The following CTNNA2 variants were observed in gnomAD, a reference collection of about 807,000 sequenced individuals.
CTNNA2 encodes the protein catenin alpha 2.
Under a neutral mutation model 101.0 loss-of-function variants are expected in CTNNA2, and 42 were observed. The observed-to-expected ratio is 0.42, with a 90% confidence interval of 0.32 to 0.54. The LOEUF is 0.54. Among genes scored for constraint, CTNNA2 ranks in the 20% least tolerant of loss-of-function variants. The probability of loss-of-function intolerance (pLI) is 0.14; values close to 1 mark genes in which losing one functional copy is unlikely to be tolerated. For synonymous variants in CTNNA2, 450 were observed against 456.4 expected, an observed-to-expected ratio of 0.99 and a Z score of 0.18; for missense variants, 871 against 1,223.1, an observed-to-expected ratio of 0.71 and a Z score of 4.29.
At chr2:79,473,014 C>G (rs1186704607) in intron 4 of CTNNA2, among the ~76,000 whole-genome samples, 1 of 152,166 alleles carries the variant, frequency 6.6e-6, no homozygotes, top group Non-Finnish European at 1.5e-5. Context: ...CCTCTAGCTT[C>G]CAATAATAAT....
chr2:79,501,222 A>G (rs76748575), intron 4 of CTNNA2, among the ~76,000 whole-genome samples: 1,532 of 152,346 alleles, frequency 0.01, 25 homozygotes, highest in East Asian at 0.048. Context: ...ATGACATGCC[A>G]TGACATCACA....
At chr2:80,558,113 T>G (rs1334845385) in intron 12 of CTNNA2, among the ~76,000 whole-genome samples, 3 of 152,154 alleles carry the variant, frequency 2.0e-5, no homozygotes, top group Non-Finnish European at 4.4e-5. Context: ...GAGACTGAAA[T>G]AGACAGCTTA....
chr2:79,586,915 T>C (rs571180051), intron 1 of CTNNA2, among the ~76,000 whole-genome samples: 1 of 151,902 alleles, frequency 6.6e-6, no homozygotes, highest in African/African-American at 2.4e-5. Context: ...TGAGAACATA[T>C]GATATTTGGT....
chr2:79,251,145 GC>G (rs1194012818), intron 2 of CTNNA2, among the ~76,000 whole-genome samples: 1 of 152,162 alleles, frequency 6.6e-6, no homozygotes, highest in Non-Finnish European at 1.5e-5. Context: ...TGCCACCAAG[GC>G]CCCAGATGCC....
intron 7 of CTNNA2, among the ~76,000 whole-genome samples, chr2:80,148,518 C>T (rs1703492998): frequency 1.3e-5 from 2 of 152,234 alleles, no homozygotes; most frequent in African/African-American, 4.8e-5. Context: ...TGGGGCAATG[C>T]ACCCGAGAGA....
intron 2 of CTNNA2, among the ~76,000 whole-genome samples, chr2:79,294,299 G>A (rs1041882175): frequency 2.7e-4 from 41 of 152,006 alleles, no homozygotes; most frequent in African/African-American, 9.4e-4. Flanking sequence ...GAGAAAGAGA[G>A]AGAGAGGGTG....
intron 9 of CTNNA2, among the ~76,000 whole-genome samples, chr2:80,533,228 G>T (rs186970659): frequency 6.6e-6 from 1 of 152,280 alleles, no homozygotes; most frequent in Non-Finnish European, 1.5e-5. Context: ...GTTTGGAAGA[G>T]ATCTATTTCT....
intron 12 of CTNNA2, among the ~76,000 whole-genome samples, chr2:80,571,636 T>C (rs1364216229): frequency 6.6e-6 from 1 of 152,200 alleles, no homozygotes; most frequent in South Asian, 2.1e-4. Context: ...ATGTTTCTTT[T>C]CCTACTCACA....
intron 9 of CTNNA2, among the ~76,000 whole-genome samples, chr2:80,502,963 T>C (rs960643797): frequency 6.6e-6 from 1 of 152,148 alleles, no homozygotes; most frequent in Admixed American, 6.5e-5. Context: ...GCCCAGGAAT[T>C]TGAGACCAGT....
At position 80,565,710 on chromosome 2, in the gene CTNNA2, G is replaced by A. The variant is rs570283835; in HGVS notation, c.1742-8453G>A. On this transcript the variant is annotated intron_variant, in intron 12 of 18. Coordinates refer to ENST00000402739, the MANE Select transcript of CTNNA2 (RefSeq NM_001282597.3). ...AGGCAGTGTGGTAATCATCTGACAT[G>A]CATCCTACTTGTTTGTAAGTGCCTC... Among the ~76,000 whole-genome samples, 48 of 152,064 alleles carry A rather than the reference G, an allele frequency of 3.2e-4. 1 individual carries two copies. Among genetic ancestry groups the A allele is most frequent in the Non-Finnish European group, 4.3e-4 (29 of 68,010 alleles).
chr2:80,512,322 A>G (rs1688770403), intron 9 of CTNNA2, among the ~76,000 whole-genome samples: 2 of 152,184 alleles, frequency 1.3e-5, no homozygotes, highest in African/African-American at 4.8e-5. Flanking sequence ...AAGAAAAGGA[A>G]TATAGGGCAT....
intron 7 of CTNNA2, among the ~76,000 whole-genome samples, chr2:80,114,895 T>C (rs777354476): frequency 6.6e-6 from 1 of 152,126 alleles, no homozygotes; most frequent in African/African-American, 2.4e-5. Context: ...CAAGAAACCT[T>C]GAAGAGGAAA....
At chr2:80,292,635 A>T (rs1054493538) in intron 7 of CTNNA2, among the ~76,000 whole-genome samples, 1 of 152,206 alleles carries the variant, frequency 6.6e-6, no homozygotes, top group African/African-American at 2.4e-5. Context: ...CCTCTTCTGC[A>T]TACTCTCATG....
chr2:79,384,913 A>G (rs1678081019), intron 4 of CTNNA2, among the ~76,000 whole-genome samples: 1 of 152,288 alleles, frequency 6.6e-6, no homozygotes, highest in Admixed American at 6.5e-5. Context: ...CATTTGTTGT[A>G]TTTTTAAGAA....
At chr2:79,886,908 C>T (rs1312960057) in intron 6 of CTNNA2, among the ~76,000 whole-genome samples, 2 of 151,644 alleles carry the variant, frequency 1.3e-5, no homozygotes, top group Non-Finnish European at 2.9e-5. Context: ...CTCACTGCAA[C>T]CTCTGCCTCA....
chr2:79,423,980 A>G (rs2104504329), intron 4 of CTNNA2, among the ~76,000 whole-genome samples: 1 of 152,260 alleles, frequency 6.6e-6, no homozygotes, highest in Admixed American at 6.5e-5. Context: ...GACAAATAAA[A>G]AAACCTATCT....
intron 7 of CTNNA2, among the ~76,000 whole-genome samples, chr2:80,169,184 C>T (rs1033211330): frequency 2.0e-5 from 3 of 152,202 alleles, no homozygotes; most frequent in Admixed American, 6.5e-5. Context: ...AACAGTGATG[C>T]TGTGGATGGA....
intron 7 of CTNNA2, among the ~76,000 whole-genome samples, chr2:80,027,709 G>A (rs564238556): frequency 1.3e-5 from 2 of 152,200 alleles, no homozygotes; most frequent in African/African-American, 4.8e-5. Flanking sequence ...GCTCGTGCCT[G>A]TAATCCCAGC....
At chr2:79,371,823 G>A (rs17016955) in intron 3 of CTNNA2, among the ~76,000 whole-genome samples, 3,280 of 152,170 alleles carry the variant, frequency 0.022, 95 homozygotes, top group African/African-American at 0.075. Flanking sequence ...AATGAAACCC[G>A]GAAATCTGCA....
Sources: gnomAD v4.1 joint callset for allele counts (sites outside exome capture counted in the v4.1 genomes callset) on GRCh38, gnomAD v4.1.1 for gene constraint, MANE v1.5 for transcripts, NCBI Gene and HGNC (gene_info 2026-07-23, HGNC 2026-07-21) for gene names.